The following MIA2 variants were observed in gnomAD, a reference collection of about 807,000 sequenced individuals.
The protein encoded by MIA2 is MIA SH3 domain ER export factor 2.
A neutral mutation model predicts 167.8 loss-of-function variants in MIA2; 127 were observed. The ratio of observed to expected loss-of-function variants is 0.76; its 90% CI spans 0.66 to 0.88. MIA2 has a LOEUF of 0.88. MIA2 is among the 40% of genes least tolerant of loss of function. MIA2 has a pLI of 0.00. For synonymous variants in MIA2, 552 were observed against 541.9 expected (o/e 1.02, Z -0.26); for missense variants, 1,690 against 1,624.7 (o/e 1.04, Z -0.69).
At chr14:39,386,226 C>G in intron 23 of MIA2, 1 of 1,406,308 alleles carries the variant, frequency 7.1e-7, no homozygotes. Context: ...AGTTTGTCTG[C>G]AGTTGTATTT....
chr14:39,271,672 G>A (rs921430633), intron 6 of MIA2, among the ~76,000 whole-genome samples: 2 of 152,056 alleles, frequency 1.3e-5, no homozygotes, highest in Non-Finnish European at 2.9e-5. Flanking sequence ...GTTCATGCTT[G>A]TAATCCCAGC....
In MIA2 at chr14:39,302,188, A is replaced by G; in HGVS notation, c.2679A>G (p.Ile893Met). The G allele has an allele frequency of 2.5e-6, 4 of 1,614,000 alleles. No homozygotes were observed. The highest frequency in any genetic ancestry group is 3.4e-6 in the Non-Finnish European group (4 of 1,179,902). ...KDWAAMLGED[I>M]TDDDNLELEM... ...GGGCTGCTATGCTTGGAGAAGACAT[A>G]ACGGATGATGATAACTTGGAATTAG... The change falls in exon 15 of 29, where the codon ATA (isoleucine) becomes ATG (methionine). Residue 893 changes from isoleucine to methionine, a missense_variant. By Grantham distance (10) the Ile-to-Met change is conservative. Coordinates refer to ENST00000640607, the MANE Select transcript of MIA2 (RefSeq NM_001329214.4).
Position 39,316,635 on chromosome 14 carries a change from G to A in MIA2, c.3216+917G>A, listed in dbSNP as rs978091369. On this transcript the variant is annotated intron_variant, in intron 21 of 28. Coordinates refer to ENST00000640607, the MANE Select transcript of MIA2 (RefSeq NM_001329214.4). ...ATTCCAGCCTAGGGTGAGAGATTAG[G>A]TGTGGTGAATGTCTAGGTCCTCCTC... 2.6e-5 allele frequency among the ~76,000 whole-genome samples: 4 copies of A among 152,166 alleles called. No homozygotes were observed. The East Asian group carries it at 5.8e-4, about 22-fold the overall frequency.
chr14:39,293,708 T>C (rs2061031828), intron 11 of MIA2, among the ~76,000 whole-genome samples: 1 of 152,208 alleles, frequency 6.6e-6, no homozygotes, highest in African/African-American at 2.4e-5. Flanking sequence ...TGAAAAAACC[T>C]GTCTTAATGA....
chr14:39,279,281 G>C (rs1229975208), intron 7 of MIA2, 56 bp from the exon 8 acceptor site: 1 of 1,481,216 alleles, frequency 6.8e-7, no homozygotes, highest in Admixed American at 2.0e-5. Flanking sequence ...TAAATGAATT[G>C]ATTTACTTGA....
chr14:39,285,440 T>A (rs7142460), intron 9 of MIA2, among the ~76,000 whole-genome samples: 1 of 110,448 alleles, frequency 9.1e-6, no homozygotes, highest in African/African-American at 3.5e-5. Context: ...CCCCCCACCT[T>A]CCTCCCGGAC....
At position 39,347,711 on chromosome 14, in the gene MIA2, A is replaced by G. The variant is rs1317706690; in HGVS notation, c.3779-2A>G. ...TTTTCATGGTTTAACTTTTATGTCT[A>G]GATGGGTCAATGCCTTCAGAAATGG... On this transcript the variant is annotated splice_acceptor_variant, in intron 26 of 28. Transcript: ENST00000640607. LOFTEE classifies it high-confidence loss of function. 4 of 1,611,350 alleles carry G rather than the reference A, an allele frequency of 2.5e-6. No homozygotes were observed. Among genetic ancestry groups the G allele is most frequent in the Admixed American group, 1.7e-5 (1 of 59,864 alleles).
At chr14:39,310,157 T>C (rs115174957) in intron 18 of MIA2, among the ~76,000 whole-genome samples, 3,091 of 152,298 alleles carry the variant, frequency 0.02, 108 homozygotes, top group African/African-American at 0.068. Flanking sequence ...ATGAAAAATT[T>C]GAGTTGCCCA....
At chr14:39,354,218 C>T (rs938838528), downstream of MIA2, among the ~76,000 whole-genome samples, 7 of 152,184 alleles carry the variant, frequency 4.6e-5, no homozygotes, top group African/African-American at 1.7e-4. Flanking sequence ...ACAACCTTTC[C>T]AGCACCTGTT....
intron 25 of MIA2, among the ~76,000 whole-genome samples, chr14:39,333,262 A>G (rs920673386): frequency 4.6e-5 from 7 of 152,118 alleles, no homozygotes; most frequent in South Asian, 2.1e-4. Context: ...ATTCTATTCT[A>G]TTCCTCTAAG....
Position 39,238,793 on chromosome 14 carries a change from C to CAAAAAAAAAAAAAAAAAA in MIA2, c.249+1739_250-1750dup, listed in dbSNP as rs769534317. Among the ~76,000 whole-genome samples the CAAAAAAAAAAAAAAAAAA allele has an allele frequency of 2.8e-3, 85 of 30,802 alleles. 5 individuals carry two copies. The highest frequency in any genetic ancestry group is 3.5e-3 in the Non-Finnish European group (70 of 19,976). 20.2% of individuals were successfully genotyped at this position (30,802 alleles called of 152,430 possible). On this transcript the variant is annotated intron_variant, in intron 2 of 28. Transcript: ENST00000640607. The stretch of plus-strand genomic sequence containing the variant: ...TGGGTTACAAAGTGAGACCCTGTCT[C>CAAAAAAAAAAAAAAAAAA]AAAAAAAAAAAAAAAAAACCCAAAA...
At chr14:39,277,688 GTGTGTATATATATATATATATATA>G (rs1406889651) in intron 7 of MIA2, among the ~76,000 whole-genome samples, 308 of 8,090 alleles carry the variant, frequency 0.038, 75 homozygotes, top group African/African-American at 0.066. Flanking sequence ...ATATATATAT[GTGTGTATATATATATATATATATA>G]TATGTGTGTA....
At chr14:39,358,261 C>CT (rs1200797792) in intron 23 of MIA2, among the ~76,000 whole-genome samples, 1 of 152,104 alleles carries the variant, frequency 6.6e-6, no homozygotes, top group African/African-American at 2.4e-5. Flanking sequence ...TCTTTTTATT[C>CT]TTTTTTCCCT....
At chr14:39,238,098 T>C (rs1185787321) in intron 2 of MIA2, among the ~76,000 whole-genome samples, 1 of 152,038 alleles carries the variant, frequency 6.6e-6, no homozygotes, top group Non-Finnish European at 1.5e-5. Context: ...AAGACATGTG[T>C]TTCTGAGCAA....
intron 6 of MIA2, chr14:39,267,146 T>G: frequency 8.6e-7 from 1 of 1,159,314 alleles, no homozygotes; most frequent in South Asian, 2.7e-5. Flanking sequence ...TTCTCGCGGC[T>G]GCCCGGCCGA....
chr14:39,366,027 A>G (rs752898176), intron 23 of MIA2, among the ~76,000 whole-genome samples: 4 of 152,090 alleles, frequency 2.6e-5, no homozygotes, highest in Non-Finnish European at 4.4e-5. Flanking sequence ...TGGGTAGGGC[A>G]CTTTAGCTTT....
chr14:39,348,117 G>C (rs941557666), intron 27 of MIA2, among the ~76,000 whole-genome samples: 1 of 152,164 alleles, frequency 6.6e-6, no homozygotes, highest in African/African-American at 2.4e-5. Flanking sequence ...CTGGCCCTGA[G>C]CCACTGTGCC....
chr14:39,357,964 TTCTC>T (rs1280748217), intron 23 of MIA2, among the ~76,000 whole-genome samples: 1 of 152,320 alleles, frequency 6.6e-6, no homozygotes, highest in East Asian at 1.9e-4. Flanking sequence ...AACCCGACCT[TTCTC>T]TCTGGCTGCC....
At chr14:39,335,009 G>A (rs953648517) in intron 25 of MIA2, among the ~76,000 whole-genome samples, 2 of 152,078 alleles carry the variant, frequency 1.3e-5, no homozygotes, top group African/African-American at 4.8e-5. Context: ...TAGCACTTTG[G>A]GAGGATGAGG....
Sources: allele counts gnomAD v4.1 joint callset (sites outside exome capture counted in the v4.1 genomes callset), GRCh38; gene constraint gnomAD v4.1.1; transcripts MANE v1.5; gene names NCBI Gene and HGNC (gene_info 2026-07-23, HGNC 2026-07-21).